Variants in MAN2A1 observed in about 807,000 individuals in gnomAD.
The protein encoded by MAN2A1 is mannosidase alpha class 2A member 1.
In MAN2A1, 76 loss-of-function variants were observed where a neutral mutation model predicts 142.6. The observed-to-expected ratio is 0.53, with a 90% CI of 0.44 to 0.65. The LOEUF (loss-of-function observed/expected upper bound fraction) is 0.65, where lower values mean the gene tolerates loss of function less well. Ranked by LOEUF, MAN2A1 falls within the 30% of genes least tolerant of loss-of-function variation. MAN2A1 has a pLI of 0.00. For synonymous variants in MAN2A1, 559 were observed against 473.2 expected (o/e 1.18, Z -2.35); for missense variants, 1,311 against 1,365.1 (o/e 0.96, Z 0.62).
At chr5:109,747,781 A>G (rs1752445318) in intron 4 of MAN2A1, among the ~76,000 whole-genome samples, 1 of 152,190 alleles carries the variant, frequency 6.6e-6, no homozygotes, top group South Asian at 2.1e-4. Flanking sequence ...GCACCAAGGA[A>G]TCAAAGGGCA....
chr5:109,765,598 A>G (rs927858495), intron 5 of MAN2A1, among the ~76,000 whole-genome samples: 6 of 152,176 alleles, frequency 3.9e-5, no homozygotes, highest in African/African-American at 7.2e-5. Flanking sequence ...TAAATATTCT[A>G]TACCTCAGCC....
intron 6 of MAN2A1, among the ~76,000 whole-genome samples, chr5:109,768,846 CA>C (rs1437230014): frequency 6.6e-6 from 1 of 152,044 alleles, no homozygotes; most frequent in African/African-American, 2.4e-5. Flanking sequence ...ATTTGAAAAA[CA>C]AAGAATTTGA....
chr5:109,842,228 A>C (rs569904567), intron 16 of MAN2A1, 100 bp from the exon 17 acceptor site: 22 of 686,180 alleles, frequency 3.2e-5, no homozygotes, highest in Non-Finnish European at 4.8e-5. Context: ...AGTAGAAAAC[A>C]AGAAAATGTA....
intron 1 of MAN2A1, among the ~76,000 whole-genome samples, chr5:109,713,024 C>CT (rs1354762639): frequency 5.3e-5 from 8 of 152,112 alleles, no homozygotes; most frequent in Non-Finnish European, 7.4e-5. Flanking sequence ...GCTGAATTGA[C>CT]TAATTGATTT....
chr5:109,751,282 A>G (rs918329674), intron 4 of MAN2A1, among the ~76,000 whole-genome samples: 5 of 152,098 alleles, frequency 3.3e-5, no homozygotes, highest in African/African-American at 1.2e-4. Flanking sequence ...TATTTTGCTT[A>G]ATAGAATGAC....
chr5:109,729,938 G>GC (rs1382052939), intron 4 of MAN2A1, among the ~76,000 whole-genome samples: 1 of 152,122 alleles, frequency 6.6e-6, no homozygotes, highest in Admixed American at 6.6e-5. Flanking sequence ...GTTGTAGTGA[G>GC]CCAATATAGT....
At chr5:109,789,384 TTGAA>T in intron 11 of MAN2A1, 72 bp from the exon 12 acceptor site, 1 of 834,080 alleles carries the variant, frequency 1.2e-6, no homozygotes, top group South Asian at 1.8e-5. Context: ...AAACTTGAAT[TTGAA>T]TGGTCTTCTG....
At chr5:109,802,470 T>C (rs1473036391) in intron 12 of MAN2A1, among the ~76,000 whole-genome samples, 1 of 152,180 alleles carries the variant, frequency 6.6e-6, no homozygotes, top group Non-Finnish European at 1.5e-5. Flanking sequence ...ATTGTAGTTC[T>C]GTAGAGTATT....
At chr5:109,824,426 A>G (rs1006926313) in intron 16 of MAN2A1, among the ~76,000 whole-genome samples, 1 of 152,190 alleles carries the variant, frequency 6.6e-6, no homozygotes, top group Non-Finnish European at 1.5e-5. Flanking sequence ...AACTGATTCC[A>G]TGGGGTCTGA....
intron 1 of MAN2A1, among the ~76,000 whole-genome samples, chr5:109,710,943 G>A (rs1582812064): frequency 6.6e-6 from 1 of 152,136 alleles, no homozygotes. Flanking sequence ...GCCCGCTTCG[G>A]ACTCCCAAAG....
At chr5:109,774,616 T>A (rs996764480) in intron 7 of MAN2A1, among the ~76,000 whole-genome samples, 172 bp from the exon 8 acceptor site, 6 of 152,114 alleles carry the variant, frequency 3.9e-5, no homozygotes, top group African/African-American at 1.4e-4. Context: ...ATGATAGTTT[T>A]AAAAAAATCT....
intron 1 of MAN2A1, among the ~76,000 whole-genome samples, chr5:109,701,150 A>G (rs150176989): frequency 1.3e-5 from 2 of 152,212 alleles, no homozygotes; most frequent in Non-Finnish European, 2.9e-5. Flanking sequence ...AGAGTCAATG[A>G]TATTATTTTA....
chr5:109,866,630 A>T (rs1755890590), intron 21 of MAN2A1, among the ~76,000 whole-genome samples: 1 of 152,164 alleles, frequency 6.6e-6, no homozygotes, highest in Admixed American at 6.5e-5. Context: ...AAGCATGTAT[A>T]TATGTATATT....
At chr5:109,834,405 A>G (rs1755007596) in intron 16 of MAN2A1, among the ~76,000 whole-genome samples, 1 of 151,088 alleles carries the variant, frequency 6.6e-6, no homozygotes. Flanking sequence ...CTTCCAAAAA[A>G]TTCTGTTGTT....
At chr5:109,837,641 C>T (rs1755091454) in intron 16 of MAN2A1, among the ~76,000 whole-genome samples, 2 of 152,168 alleles carry the variant, frequency 1.3e-5, no homozygotes. Flanking sequence ...GCATCAATAA[C>T]TCTTGGCTCC....
At chr5:109,735,395 G>A (rs553343020) in intron 4 of MAN2A1, among the ~76,000 whole-genome samples, 382 of 152,304 alleles carry the variant, frequency 2.5e-3, no homozygotes, top group Middle Eastern at 0.024. Context: ...ATTGTTATGT[G>A]TGAATTTGAT....
intron 1 of MAN2A1, among the ~76,000 whole-genome samples, chr5:109,700,629 C>G (rs1402701703): frequency 6.6e-6 from 1 of 152,080 alleles, no homozygotes; most frequent in African/African-American, 2.4e-5. Flanking sequence ...TTAACAGTCA[C>G]CAGCATTCCA....
chr5:109,755,305 A>G, intron 4 of MAN2A1, 24 bp from the exon 5 acceptor site: 1 of 1,580,242 alleles, frequency 6.3e-7, no homozygotes, highest in Non-Finnish European at 8.7e-7. Flanking sequence ...TTATTAATGT[A>G]GACTCTTGTT....
At chr5:109,696,680 T>A (rs1350842467) in intron 1 of MAN2A1, among the ~76,000 whole-genome samples, 3 of 152,200 alleles carry the variant, frequency 2.0e-5, no homozygotes, top group Non-Finnish European at 2.9e-5. Context: ...ACCAACAATG[T>A]CTCCAGACAC....
Sources: gnomAD v4.1 joint callset for allele counts (sites outside exome capture counted in the v4.1 genomes callset) on GRCh38, gnomAD v4.1.1 for gene constraint, MANE v1.5 for transcripts, NCBI Gene and HGNC (gene_info 2026-07-23, HGNC 2026-07-21) for gene names.